NXN: variants seen among roughly 807,000 people sequenced by gnomAD.
The protein encoded by NXN is nucleoredoxin 1.
A neutral mutation model predicts 48.6 loss-of-function variants in NXN; 16 were observed. The ratio of observed to expected loss-of-function variants is 0.33; its 90% CI spans 0.22 to 0.50. NXN has a LOEUF of 0.50. Among genes scored for constraint, NXN ranks in the 20% least tolerant of loss-of-function variants. The pLI is 0.98. For missense variants in NXN, 492 were observed against 605.5 expected (o/e 0.81, Z 1.97); for synonymous variants, 281 against 269.6 (o/e 1.04, Z -0.41).
intron 5 of NXN, among the ~76,000 whole-genome samples, chr17:811,215 GC>G (rs1397474461): frequency 1.3e-5 from 2 of 152,150 alleles, no homozygotes; most frequent in Non-Finnish European, 2.9e-5. Context: ...CGGCCGCCCG[GC>G]ACCTCTAGCT....
chr17:919,657 G>T lies in NXN; in HGVS notation c.360+59662C>A, dbSNP rs1007367295. Among the ~76,000 whole-genome samples the T allele has an allele frequency of 2.0e-5, 3 of 152,134 alleles. No individual in the cohort carries two copies. The highest frequency in any genetic ancestry group is 7.2e-5 in the African/African-American group (3 of 41,414). On this transcript the variant is annotated intron_variant, in intron 1 of 7. Transcript: ENST00000336868. This position sits in a 1 kb window ranked among gnomAD's most constrained non-coding sequence, Gnocchi z 5.1. Reference sequence around the variant, plus strand: ...CCTCAGACACGGGCTCTGGTTCAAGGTGGGAGACAGAGACAACACCAATCA... The same window carrying T: ...CCTCAGACACGGGCTCTGGTTCAAGTTGGGAGACAGAGACAACACCAATCA...
At chr17:979,193 C>T (rs1167144767) in intron 1 of NXN, 126 bp downstream of exon 1, 2 of 300,442 alleles carry the variant, frequency 6.7e-6, no homozygotes, top group East Asian at 1.0e-4. Context: ...GGGCAGGGGT[C>T]GGGGGGTGGA....
At chr17:889,822 GA>G (rs1174944057) in intron 1 of NXN, among the ~76,000 whole-genome samples, 1 of 152,214 alleles carries the variant, frequency 6.6e-6, no homozygotes, top group Non-Finnish European at 1.5e-5. Context: ...GGCTGTTGCA[GA>G]ATGCAAAATG....
chr17:899,950 A>C (rs1276864718), intron 1 of NXN, among the ~76,000 whole-genome samples: 1 of 152,152 alleles, frequency 6.6e-6, no homozygotes, highest in Non-Finnish European at 1.5e-5. Context: ...TGATATCCTC[A>C]AGCTATAGAG....
chr17:857,364 G>T (rs953911373), intron 1 of NXN, among the ~76,000 whole-genome samples: 16 of 152,158 alleles, frequency 1.1e-4, no homozygotes, highest in African/African-American at 3.9e-4. Context: ...GGGCTCAAGG[G>T]ATTCTCCTGC....
intron 1 of NXN, among the ~76,000 whole-genome samples, chr17:914,042 G>A (rs1264603729): frequency 1.3e-5 from 2 of 152,126 alleles, no homozygotes; most frequent in Non-Finnish European, 2.9e-5. Flanking sequence ...TGGGACTCCA[G>A]ACACCCACCA....
intron 1 of NXN, among the ~76,000 whole-genome samples, chr17:940,604 C>A (rs1450692957): frequency 2.0e-5 from 3 of 152,248 alleles, no homozygotes; most frequent in Non-Finnish European, 4.4e-5. Context: ...GCCCAGCGGG[C>A]TTTGCAGGAC....
intron 5 of NXN, among the ~76,000 whole-genome samples, chr17:812,936 G>A (rs1013676429): frequency 6.6e-6 from 1 of 151,372 alleles, no homozygotes; most frequent in Non-Finnish European, 1.5e-5. Flanking sequence ...GTGTGTGAGT[G>A]TGCATATGTG....
At chr17:885,672 CTTTTTTTTTTTTTTTTT>C (rs532225883) in intron 1 of NXN, among the ~76,000 whole-genome samples, 1 of 83,750 alleles carries the variant, frequency 1.2e-5, no homozygotes, top group African/African-American at 6.6e-5. Context: ...GCGGTACTCG[CTTTTTTTTTTTTTTTTT>C]TTTTTTTTTT....
intron 1 of NXN, among the ~76,000 whole-genome samples, chr17:851,620 A>C (rs1209460731): frequency 6.6e-6 from 1 of 152,228 alleles, no homozygotes; most frequent in Non-Finnish European, 1.5e-5. Context: ...GGCTGCTCCC[A>C]GCACCCAGTT....
intron 1 of NXN, among the ~76,000 whole-genome samples, chr17:936,452 G>T (rs1381967265): frequency 6.6e-6 from 1 of 151,846 alleles, no homozygotes; most frequent in Non-Finnish European, 1.5e-5. Flanking sequence ...AGCCCATCCT[G>T]TCAGTGCACA....
At chr17:910,488 T>TA (rs1371271454) in intron 1 of NXN, among the ~76,000 whole-genome samples, 3 of 152,166 alleles carry the variant, frequency 2.0e-5, no homozygotes, top group African/African-American at 7.2e-5. Context: ...AGGATATATA[T>TA]TTTTTAAAGC....
chr17:869,511 T>C (rs923675458), intron 1 of NXN, among the ~76,000 whole-genome samples: 3 of 152,242 alleles, frequency 2.0e-5, no homozygotes, highest in Non-Finnish European at 4.4e-5. Flanking sequence ...AGGACCATAT[T>C]GGCAAAAGCT....
chr17:842,346 C>T (rs1039544229), intron 1 of NXN, among the ~76,000 whole-genome samples: 4 of 152,182 alleles, frequency 2.6e-5, no homozygotes, highest in Non-Finnish European at 5.9e-5. Context: ...ACAGGGGAGC[C>T]GCTGGTGGCC....
At chr17:827,339 G>A (rs918195017) in intron 1 of NXN, among the ~76,000 whole-genome samples, 9 of 150,992 alleles carry the variant, frequency 6.0e-5, no homozygotes, top group African/African-American at 2.0e-4. Context: ...TTAGCTGGAC[G>A]TGGCCGGGTG....
intron 1 of NXN, among the ~76,000 whole-genome samples, chr17:870,153 G>A (rs922377184): frequency 1.8e-4 from 27 of 152,214 alleles, no homozygotes; most frequent in African/African-American, 6.5e-4. Flanking sequence ...CAGAACGTCA[G>A]CAGGGCCAAG....
chr17:916,298 T>G (rs111898684), intron 1 of NXN, among the ~76,000 whole-genome samples: 4 of 152,306 alleles, frequency 2.6e-5, no homozygotes, highest in African/African-American at 9.6e-5. Context: ...AGGATCCATT[T>G]TATCCTTTCT....
chr17:908,628 A>C (rs1409802398), intron 1 of NXN, among the ~76,000 whole-genome samples: 1 of 152,194 alleles, frequency 6.6e-6, no homozygotes, highest in Non-Finnish European at 1.5e-5. Context: ...AGTGGATCCC[A>C]AACATGTACC....
rs181942929 is a variant in NXN at position 803,245 on chromosome 17, C to T, written c.1125+437G>A. 9.8e-4 allele frequency among the ~76,000 whole-genome samples: 150 copies of T among 152,314 alleles called. 1 individual carries two copies. The Middle Eastern group carries it at 0.041, about 41-fold the overall frequency. ...TTTCCAACCTCAGCACTCACCGGGC[C>T]GGCTGGGTGACCGCAGGTATAAGCA... On this transcript the variant is annotated intron_variant, in intron 7 of 7. Transcript: ENST00000336868.
Sources: gnomAD v4.1 joint callset for allele counts (sites outside exome capture counted in the v4.1 genomes callset) on GRCh38, gnomAD v4.1.1 for gene constraint, Gnocchi (gnomAD v3.1) non-coding constraint, MANE v1.5 for transcripts, NCBI Gene and HGNC (gene_info 2026-07-23, HGNC 2026-07-21) for gene names.